Variants in NTRK3 observed in about 807,000 individuals in gnomAD.
The protein encoded by NTRK3 is NT-3 growth factor receptor.
NTRK3 carries 24 observed loss-of-function variants against 91.7 expected under a neutral mutation model. That is an observed-to-expected ratio of 0.26 (90% CI 0.19 to 0.37). The LOEUF (loss-of-function observed/expected upper bound fraction) is 0.37, where lower values mean the gene tolerates loss of function less well. Ranked by LOEUF, NTRK3 falls within the 10% of genes least tolerant of loss-of-function variation. The probability of loss-of-function intolerance (pLI) is 1.00; values close to 1 mark genes in which losing one functional copy is unlikely to be tolerated. For missense variants in NTRK3, 880 were observed against 1,068.9 expected (o/e 0.82, Z 2.46); for synonymous variants, 483 against 404.0 (o/e 1.20, Z -2.34).
chr15:87,932,421 TA>T (rs1455419148), intron 16 of NTRK3, among the ~76,000 whole-genome samples: 2 of 152,218 alleles, frequency 1.3e-5, no homozygotes, highest in Non-Finnish European at 2.9e-5. Context: ...TATTGAACTT[TA>T]ATTAATGTAA....
chr15:88,138,903 TAAAGG>T (rs1271930205), intron 6 of NTRK3, among the ~76,000 whole-genome samples: 1 of 152,228 alleles, frequency 6.6e-6, no homozygotes, highest in African/African-American at 2.4e-5. Flanking sequence ...AAATTCTTGT[TAAAGG>T]AAAGAGAGAA....
At chr15:88,147,373 G>C (rs2042981367) in exon 6 of NTRK3, 1 of 1,613,882 alleles carries the variant, frequency 6.2e-7, no homozygotes, top group Non-Finnish European at 8.5e-7. Context: ...GCTGCCACGA[G>C]AGTGTGGTGA....
At chr15:88,032,165 C>A (rs565271460) in intron 14 of NTRK3, among the ~76,000 whole-genome samples, 3 of 152,122 alleles carry the variant, frequency 2.0e-5, no homozygotes, top group South Asian at 4.1e-4. Context: ...CAGGAGGAAC[C>A]CTGCTGGATG....
At chr15:88,155,857 G>T (rs2043845346) in intron 5 of NTRK3, among the ~76,000 whole-genome samples, 1 of 148,756 alleles carries the variant, frequency 6.7e-6, no homozygotes, top group Admixed American at 6.7e-5. Flanking sequence ...TATAAATGAG[G>T]TATTTCACAT....
At chr15:88,082,791 G>A (rs1197801201) in intron 13 of NTRK3, among the ~76,000 whole-genome samples, 3 of 152,168 alleles carry the variant, frequency 2.0e-5, no homozygotes, top group African/African-American at 4.8e-5. Context: ...AAACGGAATC[G>A]GGGTCTAACT....
rs143558554 is a variant in NTRK3, at chr15:88,244,040, G to A, written c.248+11866C>T. 4.1e-3 allele frequency among the ~76,000 whole-genome samples: 627 copies of A among 152,292 alleles called. 5 individuals are homozygous for A. Among genetic ancestry groups the A allele is most frequent in the African/African-American group, 0.014 (600 of 41,556 alleles). On this transcript the variant is annotated intron_variant, in intron 3 of 18. Coordinates refer to ENST00000394480, the Ensembl canonical transcript of NTRK3. ...CTGGACAATCCCCACCACACCACCT[G>A]CAAGATCAGAATACACTTGCTGTTC...
chr15:88,095,510 G>C (rs1162427060), intron 13 of NTRK3, among the ~76,000 whole-genome samples: 3 of 152,218 alleles, frequency 2.0e-5, no homozygotes, highest in South Asian at 2.1e-4. Flanking sequence ...GAGGAAAGCA[G>C]GGTTTGTATA....
intron 14 of NTRK3, among the ~76,000 whole-genome samples, chr15:87,949,292 G>A (rs901469935): frequency 6.6e-6 from 1 of 152,018 alleles, no homozygotes; most frequent in Non-Finnish European, 1.5e-5. Context: ...ATTGAACCAG[G>A]AAAGTACTGA....
intron 15 of NTRK3, among the ~76,000 whole-genome samples, chr15:87,937,014 G>A: frequency 6.6e-6 from 1 of 152,128 alleles, no homozygotes. Context: ...CAGTCTCATG[G>A]CCTTTCCGTA....
At chr15:88,227,128 CCT>C (rs1259412135) in intron 3 of NTRK3, among the ~76,000 whole-genome samples, 1 of 152,180 alleles carries the variant, frequency 6.6e-6, no homozygotes, top group Non-Finnish European at 1.5e-5. Context: ...TCAGTTTGCA[CCT>C]CTTATTCTCT....
At chr15:87,929,913 T>A (rs1272149335) in intron 16 of NTRK3, among the ~76,000 whole-genome samples, 2 of 152,194 alleles carry the variant, frequency 1.3e-5, no homozygotes, top group African/African-American at 4.8e-5. Flanking sequence ...AATGGCCATA[T>A]GGGAAATCAG....
In NTRK3 at chr15:88,241,176, G is replaced by A. The variant is rs1388359825; in HGVS notation, c.248+14730C>T. On this transcript the variant is annotated intron_variant, in intron 3 of 18. Coordinates refer to ENST00000394480, the Ensembl canonical transcript of NTRK3. This position sits in a 1 kb window ranked among gnomAD's most constrained non-coding sequence, Gnocchi z 4.3. ...CGTGGGGCTCCCGAGGGTGTCAGCT[G>A]GACTGAGACACTAGCTGTGCCGCCC... 2.0e-5 allele frequency among the ~76,000 whole-genome samples: 3 copies of A among 152,172 alleles called. No individual in the cohort carries two copies. The highest frequency in any genetic ancestry group is 2.9e-5 in the Non-Finnish European group (2 of 68,022).
chr15:88,086,323 T>G (rs963299772), intron 13 of NTRK3, among the ~76,000 whole-genome samples: 1 of 152,192 alleles, frequency 6.6e-6, no homozygotes, highest in African/African-American at 2.4e-5. Context: ...ACTGTGTATT[T>G]GAAAAGTGGC....
chr15:88,182,376 A>G (rs775594038), intron 5 of NTRK3, among the ~76,000 whole-genome samples: 1 of 151,916 alleles, frequency 6.6e-6, no homozygotes, highest in Non-Finnish European at 1.5e-5. Flanking sequence ...CCTACCCTCC[A>G]CTTCCCACAG....
At chr15:88,094,270 T>A (rs2049339664) in intron 13 of NTRK3, among the ~76,000 whole-genome samples, 1 of 151,172 alleles carries the variant, frequency 6.6e-6, no homozygotes, top group South Asian at 2.1e-4. Context: ...ATCGAGACCA[T>A]CCTGGCTAAC....
chr15:87,914,313 T>C (rs1389830679), intron 17 of NTRK3, among the ~76,000 whole-genome samples: 1 of 152,228 alleles, frequency 6.6e-6, no homozygotes, highest in Non-Finnish European at 1.5e-5. Flanking sequence ...TCCAGTCCTC[T>C]GCACTGATAA....
intron 6 of NTRK3, among the ~76,000 whole-genome samples, chr15:88,146,846 G>T (rs2151307476): frequency 6.6e-6 from 1 of 152,250 alleles, no homozygotes; most frequent in Non-Finnish European, 1.5e-5. Flanking sequence ...AGCTTGGCTA[G>T]GCCCTAGAAA....
At chr15:87,896,881 C>G (rs1311307720) in intron 17 of NTRK3, among the ~76,000 whole-genome samples, 5 of 152,162 alleles carry the variant, frequency 3.3e-5, no homozygotes, top group African/African-American at 7.2e-5. Flanking sequence ...GCAGGACAGA[C>G]TATTATCTAG....
intron 10 of NTRK3, among the ~76,000 whole-genome samples, chr15:88,134,847 A>G (rs950706477): frequency 1.3e-5 from 2 of 152,210 alleles, no homozygotes; most frequent in Non-Finnish European, 2.9e-5. Context: ...CTCTACTATC[A>G]TACAGTGTGC....
Sources: allele counts gnomAD v4.1 joint callset (sites outside exome capture counted in the v4.1 genomes callset), GRCh38; gene constraint gnomAD v4.1.1; non-coding constraint Gnocchi (gnomAD v3.1); transcripts MANE v1.5; gene names NCBI Gene and HGNC (gene_info 2026-07-23, HGNC 2026-07-21).